Variants in ADAMTS3 observed in about 807,000 individuals in gnomAD.
ADAMTS3 encodes A disintegrin and metalloproteinase with thrombospondin motifs 3.
In ADAMTS3, 73 loss-of-function variants were observed where a neutral mutation model predicts 129.0. The observed-to-expected ratio is 0.57, with a 90% confidence interval of 0.47 to 0.69. The LOEUF (loss-of-function observed/expected upper bound fraction) is 0.69. Among genes scored for constraint, ADAMTS3 ranks in the 30% least tolerant of loss-of-function variants. ADAMTS3 has a pLI of 0.00. For missense variants in ADAMTS3, 1,457 were observed against 1,514.5 expected (o/e 0.96, Z 0.63); for synonymous variants, 477 against 510.8 (o/e 0.93, Z 0.89).
intron 4 of ADAMTS3, among the ~76,000 whole-genome samples, chr4:72,358,448 G>T (rs1720637427): frequency 6.6e-6 from 1 of 151,826 alleles, no homozygotes; most frequent in Non-Finnish European, 1.5e-5. Flanking sequence ...AGCTAGTTTG[G>T]GCTGTACATA....
intron 21 of ADAMTS3, among the ~76,000 whole-genome samples, chr4:72,285,839 A>G (rs751672694): frequency 1.3e-5 from 2 of 152,086 alleles, no homozygotes; most frequent in Non-Finnish European, 2.9e-5. Flanking sequence ...AATCAATTAC[A>G]AAAAAATTAA....
At chr4:72,559,499 T>C (rs1166392128) in intron 2 of ADAMTS3, among the ~76,000 whole-genome samples, 1 of 151,768 alleles carries the variant, frequency 6.6e-6, no homozygotes, top group Admixed American at 6.5e-5. Context: ...AGCTGTCACA[T>C]GGTGAGCTGA....
chr4:72,382,369 C>T (rs1721315983), intron 4 of ADAMTS3, among the ~76,000 whole-genome samples: 1 of 147,504 alleles, frequency 6.8e-6, no homozygotes, highest in East Asian at 2.0e-4. Flanking sequence ...AGTAGCTCCT[C>T]CCATAACTCT....
intron 3 of ADAMTS3, among the ~76,000 whole-genome samples, chr4:72,474,138 T>C (rs1340950624): frequency 2.6e-5 from 4 of 152,242 alleles, no homozygotes; most frequent in Admixed American, 2.0e-4. Flanking sequence ...TCTCAGAACA[T>C]ATGAAAAAGT....
At chr4:72,360,714 T>G (rs963436656) in intron 4 of ADAMTS3, among the ~76,000 whole-genome samples, 3 of 152,058 alleles carry the variant, frequency 2.0e-5, no homozygotes, top group African/African-American at 7.2e-5. Flanking sequence ...TTTTGTCATT[T>G]TAAACATTAA....
Position 72,530,287 on chromosome 4 carries a change from CAT to C in ADAMTS3, c.504+18189_504+18190del, listed in dbSNP as rs1345432251. ...ATATATAATATATAATATATAATAA[CAT>C]ATAATATATAATATAATTATATATT... is the stretch of plus-strand genomic sequence containing the variant. On this transcript the variant is annotated intron_variant, in intron 3 of 21. Transcript: ENST00000286657. 9.8e-5 allele frequency among the ~76,000 whole-genome samples: 7 copies of C among 71,336 alleles called. No individual in the cohort carries two copies. The South Asian group carries it at 1.5e-3, about 15-fold the overall frequency. The allele number at this position is 71,336 out of a possible 152,430, so 46.8% of individuals were successfully genotyped here. A position where few individuals can be genotyped will look rare whatever the true frequency, so the allele number is the denominator to read the frequency against.
chr4:72,392,341 T>C (rs1434237174), intron 4 of ADAMTS3, among the ~76,000 whole-genome samples: 1 of 152,202 alleles, frequency 6.6e-6, no homozygotes, highest in African/African-American at 2.4e-5. Flanking sequence ...CCACAGCCTT[T>C]ATATTTCTAT....
intron 3 of ADAMTS3, among the ~76,000 whole-genome samples, chr4:72,521,635 C>G (rs1720673771): frequency 6.6e-6 from 1 of 152,046 alleles, no homozygotes; most frequent in Non-Finnish European, 1.5e-5. Flanking sequence ...CAAGAAACAT[C>G]CTCGAAAGTG....
chr4:72,455,920 TATATATATTTTATATATAGTATATATACA>T lies in ADAMTS3; in HGVS notation c.505-40978_505-40950del, dbSNP rs1718553950. 8.7e-5 allele frequency among the ~76,000 whole-genome samples: 10 copies of T among 114,686 alleles called. 1 individual carries two copies. Among genetic ancestry groups the T allele is most frequent in the African/African-American group, 3.4e-4 (10 of 29,306 alleles). 75.2% of individuals were successfully genotyped at this position (114,686 alleles called of 152,430 possible). On this transcript the variant is annotated intron_variant, in intron 3 of 21. Coordinates refer to ENST00000286657, the MANE Select transcript of ADAMTS3 (RefSeq NM_014243.3). Reference sequence around the variant, plus strand: ...TATAGTATATACACTGTATATATACTATATATATTTTATATATAGTATATATACAGTATATATACTATATATATTTTACA... The same window carrying T: ...TATAGTATATACACTGTATATATACTGTATATATACTATATATATTTTACA...
intron 3 of ADAMTS3, among the ~76,000 whole-genome samples, chr4:72,525,297 A>G (rs1720779571): frequency 6.6e-6 from 1 of 152,228 alleles, no homozygotes; most frequent in South Asian, 2.1e-4. Flanking sequence ...CCACACTGAT[A>G]TAACTTAGAA....
chr4:72,333,899 G>C (rs1171401048), intron 5 of ADAMTS3, among the ~76,000 whole-genome samples: 1 of 127,022 alleles, frequency 7.9e-6, no homozygotes, highest in Non-Finnish European at 1.6e-5. Flanking sequence ...GCCTAGGCTG[G>C]AGTGCAGTGG....
At chr4:72,417,088 C>A (rs1020001467) in intron 3 of ADAMTS3, among the ~76,000 whole-genome samples, 2 of 152,178 alleles carry the variant, frequency 1.3e-5, no homozygotes, top group African/African-American at 4.8e-5. Flanking sequence ...CTTTTCTTTG[C>A]CCCAAATCCG....
intron 4 of ADAMTS3, among the ~76,000 whole-genome samples, chr4:72,405,335 A>G (rs1287389475): frequency 6.6e-6 from 1 of 152,118 alleles, no homozygotes; most frequent in African/African-American, 2.4e-5. Context: ...TGTGGTATAT[A>G]TATACATGGA....
chr4:72,421,546 T>C (rs1722444026), intron 3 of ADAMTS3, among the ~76,000 whole-genome samples: 1 of 152,108 alleles, frequency 6.6e-6, no homozygotes, highest in Admixed American at 6.5e-5. Flanking sequence ...AAGAAGAGTG[T>C]CATGGGCACC....
At chr4:72,533,167 A>G (rs1451170475) in intron 3 of ADAMTS3, among the ~76,000 whole-genome samples, 2 of 152,168 alleles carry the variant, frequency 1.3e-5, no homozygotes, top group Admixed American at 1.3e-4. Context: ...TTTTCTTTAT[A>G]TACCTATTCT....
At chr4:72,464,299 T>C (rs1330612892) in intron 3 of ADAMTS3, among the ~76,000 whole-genome samples, 1 of 151,970 alleles carries the variant, frequency 6.6e-6, no homozygotes, top group African/African-American at 2.4e-5. Context: ...CCCATCCAAA[T>C]AGAGAGCTGC....
intron 4 of ADAMTS3, among the ~76,000 whole-genome samples, chr4:72,367,570 A>T (rs1190311394): frequency 6.6e-6 from 1 of 152,198 alleles, no homozygotes. Context: ...TGATGAATTT[A>T]AAATATACAT....
At chr4:72,516,189 G>T (rs555148230) in intron 3 of ADAMTS3, among the ~76,000 whole-genome samples, 1 of 152,180 alleles carries the variant, frequency 6.6e-6, no homozygotes, top group South Asian at 2.1e-4. Flanking sequence ...CTGTTCCATT[G>T]TTCTATATCT....
intron 3 of ADAMTS3, among the ~76,000 whole-genome samples, chr4:72,477,853 AGGG>A (rs981474001): frequency 6.6e-6 from 1 of 152,138 alleles, no homozygotes; most frequent in Non-Finnish European, 1.5e-5. Context: ...AAAATGATAA[AGGG>A]GATATCACCA....
Sources: allele counts gnomAD v4.1 joint callset (sites outside exome capture counted in the v4.1 genomes callset), GRCh38; gene constraint gnomAD v4.1.1; transcripts MANE v1.5; gene names NCBI Gene and HGNC (gene_info 2026-07-23, HGNC 2026-07-21).